The following PTPN18 variants were observed in gnomAD, a reference collection of about 807,000 sequenced individuals.
The protein encoded by PTPN18 is tyrosine-protein phosphatase non-receptor type 18.
In PTPN18, 65 loss-of-function variants were observed where a neutral mutation model predicts 65.4. That is an observed-to-expected ratio of 0.99 (90% confidence interval 0.81 to 1.22). PTPN18 has a LOEUF of 1.22. Among genes scored for constraint, PTPN18 ranks in the 50% most tolerant of loss-of-function variants. The pLI, the probability that PTPN18 is intolerant of heterozygous loss-of-function variation, is 0.00. For synonymous variants in PTPN18, 255 were observed against 267.8 expected (o/e 0.95, Z 0.47); for missense variants, 616 against 646.5 (o/e 0.95, Z 0.51).
At position 130,358,973 on chromosome 2, in the gene PTPN18, C is replaced by T. The variant is rs1265843061; in HGVS notation, c.200C>T (p.Pro67Leu). 6.2e-7 allele frequency: 1 copy of T among 1,613,758 alleles called. No homozygotes were observed. The highest frequency in any genetic ancestry group is 8.5e-7 in the Non-Finnish European group (1 of 1,179,684). The change falls in exon 2 of 15, where the codon CCT becomes CTT. Residue 67 changes from proline (P) to leucine (L), a missense_variant and splice_region_variant. Coordinates refer to ENST00000175756, the MANE Select transcript of PTPN18 (RefSeq NM_014369.4). ...AAGAACCGCTACAAAGACGTGCTGC[C>T]TTGTAAGTCGGGGCTTCCGTAGGGA... The part of the protein sequence containing the change: ...VRKNRYKDVL[P>L]YDQTRVILSL...
At chr2:130,368,821 T>C (rs1042090510) in intron 5 of PTPN18, 1 of 217,356 alleles carries the variant, frequency 4.6e-6, no homozygotes. Context: ...GTCTGTTCAG[T>C]GACCACAGTA....
intron 5 of PTPN18, among the ~76,000 whole-genome samples, chr2:130,365,782 A>G (rs1011287076): frequency 1.3e-5 from 2 of 152,228 alleles, no homozygotes; most frequent in Non-Finnish European, 2.9e-5. Flanking sequence ...ACTCTTTTGC[A>G]TGTGACTATC....
rs769169356 is a variant in PTPN18 at position 130,373,345 on chromosome 2, G to T, written c.*121G>T. On this transcript the variant is annotated 3_prime_UTR_variant, in exon 15 of 15. Transcript: ENST00000175756. The surrounding 1 kb of genome is among the most constrained non-coding windows in gnomAD (Gnocchi z 4.1). ...CTGGATCAAAGTTAAAGTTTCTCAGGGTGGGAAATGTGGGGGCTTTGCCCC... is the reference window on the plus strand; with the variant it reads ...CTGGATCAAAGTTAAAGTTTCTCAGTGTGGGAAATGTGGGGGCTTTGCCCC... 20 of 1,079,424 alleles carry T rather than the reference G, an allele frequency of 1.9e-5. No individual in the cohort carries two copies. The highest frequency in any genetic ancestry group is 2.6e-5 in the Non-Finnish European group (20 of 774,280). 66.9% of individuals were successfully genotyped at this position (1,079,424 alleles called of 1,614,324 possible).
At chr2:130,358,266 T>C (rs568859292) in intron 1 of PTPN18, among the ~76,000 whole-genome samples, 39 of 152,340 alleles carry the variant, frequency 2.6e-4, no homozygotes, top group African/African-American at 8.9e-4. Flanking sequence ...GTGTTACTTA[T>C]TATCATTGAG....
In PTPN18 at chr2:130,370,969, A is replaced by G. The variant is rs760114312; in HGVS notation, c.924+5A>G. The G allele has an allele frequency of 6.2e-7, 1 of 1,613,210 alleles. No individual in the cohort carries two copies. The highest frequency in any genetic ancestry group is 1.1e-5 in the South Asian group (1 of 91,052). On this transcript the variant is annotated splice_donor_5th_base_variant and intron_variant, in intron 11 of 14. Transcript: ENST00000175756. ...CACTACCAGAACATCAAAGAGGTAC[A>G]GAGGCTCCTTTCCCACTCTCCTGTC...
chr2:130,367,951 CA>C (rs1558845467), intron 5 of PTPN18, among the ~76,000 whole-genome samples: 1 of 151,962 alleles, frequency 6.6e-6, no homozygotes, highest in African/African-American at 2.4e-5. Context: ...TCATTTTTTT[CA>C]TTTCATTTTG....
chr2:130,374,332 C>G lies in PTPN18; in HGVS notation c.*1108C>G. 4.0e-6 allele frequency: 1 copy of G among 253,082 alleles called. No homozygotes were observed. The highest frequency in any genetic ancestry group is 8.0e-6 in the Non-Finnish European group (1 of 125,346). 15.7% of individuals were successfully genotyped at this position (253,082 alleles called of 1,614,324 possible). ...CTGCCGAGTAGCTGGGACTACAGGTCTAATTTTTTTTTTTTTTAAGAAATG... is the reference window on the plus strand; with the variant it reads ...CTGCCGAGTAGCTGGGACTACAGGTGTAATTTTTTTTTTTTTTAAGAAATG... On this transcript the variant is annotated 3_prime_UTR_variant, in exon 15 of 15. Coordinates refer to ENST00000175756, the MANE Select transcript of PTPN18 (RefSeq NM_014369.4).
chr2:130,358,963 G>C lies in PTPN18; in HGVS notation c.190G>C (p.Asp64His), dbSNP rs1268180844. The C allele has an allele frequency of 1.9e-6, 3 of 1,613,958 alleles. No homozygotes were observed. Among genetic ancestry groups the C allele is most frequent in the Non-Finnish European group, 2.5e-6 (3 of 1,179,930 alleles). Reference protein sequence around the residue: ...PENVRKNRYKDVLPYDQTRVI... With the variant: ...PENVRKNRYKHVLPYDQTRVI... The stretch of plus-strand genomic sequence containing the variant: ...GAACGTGAGGAAGAACCGCTACAAA[G>C]ACGTGCTGCCTTGTAAGTCGGGGCT... The change falls in exon 2 of 15, where the codon GAC becomes CAC. Residue 64 changes from aspartate (D) to histidine (H), a missense_variant. Transcript: ENST00000175756.
Position 130,372,490 on chromosome 2 carries a change from C to T in PTPN18, c.1240+7C>T. 7.2e-7 allele frequency: 1 copy of T among 1,383,844 alleles called. No homozygotes were observed. The highest frequency in any genetic ancestry group is 9.3e-7 in the Non-Finnish European group (1 of 1,076,696). 85.7% of individuals were successfully genotyped at this position (1,383,844 alleles called of 1,614,324 possible). A position where few individuals can be genotyped will look rare whatever the true frequency, so the allele number is the denominator to read the frequency against. ...GGGACGCTGCCTGGCCGCGGTGAGTCGAGGCTTGCTCCTTCTCAGGGCATC... is the reference window on the plus strand; with the variant it reads ...GGGACGCTGCCTGGCCGCGGTGAGTTGAGGCTTGCTCCTTCTCAGGGCATC... On this transcript the variant is annotated splice_region_variant and intron_variant, in intron 13 of 14. Coordinates refer to ENST00000175756, the MANE Select transcript of PTPN18 (RefSeq NM_014369.4).
In PTPN18 at chr2:130,370,884, A is replaced by C; in HGVS notation, c.844A>C (p.Arg282=). ...TCCCTCACCCCAACAGGAGCAGTAC[A>C]GGTTCCTGTACCACACGGTGGCTCA... ...PAAVQTEEQY[R]FLYHTVAQMF... Residue 282 remains arginine (R), a synonymous_variant, in exon 11 of 15, where the codon AGG becomes CGG. Transcript: ENST00000175756. 6.2e-7 allele frequency: 1 copy of C among 1,614,060 alleles called. No homozygotes were observed. Among genetic ancestry groups the C allele is most frequent in the Non-Finnish European group, 8.5e-7 (1 of 1,179,976 alleles).
At position 130,358,873 on chromosome 2, in the gene PTPN18, C is replaced by G; in HGVS notation, c.100C>G (p.Gln34Glu). Residue 34 changes from glutamine (Q) to glutamate (E), a missense_variant, in exon 2 of 15, where the codon CAG (glutamine) becomes GAG (glutamate). Gln to Glu is a conservative substitution (Grantham distance 29). Around this residue, in one of 3 missense-constraint regions of PTPN18, gnomAD observed 223 missense variants for 210.0 expected, o/e 1.06. Transcript: ENST00000175756. ...AVLAGEFSDI[Q>E]ACSAAWKADG... Reference sequence around the variant, plus strand: ...ACTCATAATGCTCTACCAGGACATCCAGGCCTGCTCGGCCGCCTGGAAGGC... The same window carrying G: ...ACTCATAATGCTCTACCAGGACATCGAGGCCTGCTCGGCCGCCTGGAAGGC... The G allele has an allele frequency of 6.2e-7, 1 of 1,612,716 alleles. No homozygotes were observed. Among genetic ancestry groups the G allele is most frequent in the Non-Finnish European group, 8.5e-7 (1 of 1,178,988 alleles).
Position 130,372,435 on chromosome 2 carries a change from C to T in PTPN18, c.1192C>T (p.Arg398Ter). ...LYSKVTPRAQ[R>*]PGAHAEDARG... ...CAGCAAGGTGACGCCGCGCGCCCAG[C>T]GACCCGGGGCGCACGCGGAGGACGC... Residue 398 changes from arginine (R) to a stop codon, truncating the protein, a stop_gained, in exon 13 of 15, where the codon CGA becomes TGA. Transcript: ENST00000175756. LOFTEE classifies it high-confidence loss of function. 1.5e-6 allele frequency: 2 copies of T among 1,366,308 alleles called. No individual in the cohort carries two copies. Among genetic ancestry groups the T allele is most frequent in the South Asian group, 1.7e-5 (1 of 58,144 alleles). 84.6% of individuals were successfully genotyped at this position (1,366,308 alleles called of 1,614,324 possible). A position where few individuals can be genotyped will look rare whatever the true frequency, so the allele number is the denominator to read the frequency against.
At chr2:130,360,541 G>T (rs953359284) in intron 5 of PTPN18, among the ~76,000 whole-genome samples, 1 of 151,776 alleles carries the variant, frequency 6.6e-6, no homozygotes, top group African/African-American at 2.4e-5. Flanking sequence ...TCTCTATTTC[G>T]CTATCTCTTT....
intron 5 of PTPN18, among the ~76,000 whole-genome samples, chr2:130,365,791 T>A (rs1680363466): frequency 6.6e-6 from 1 of 152,246 alleles, no homozygotes. Flanking sequence ...CATGTGACTA[T>A]CCAGTTGTTC....
intron 12 of PTPN18, 78 bp downstream of exon 12, chr2:130,371,365 C>A: frequency 7.9e-7 from 1 of 1,268,122 alleles, no homozygotes; most frequent in Non-Finnish European, 1.1e-6. Context: ...AACACCAGTC[C>A]GTTCCTTGTT....
At chr2:130,357,037 A>G (rs1679996895) in intron 1 of PTPN18, among the ~76,000 whole-genome samples, 1 of 152,178 alleles carries the variant, frequency 6.6e-6, no homozygotes, top group Admixed American at 6.5e-5. Context: ...CTAAAAATAC[A>G]AAAATCAACT....
intron 5 of PTPN18, among the ~76,000 whole-genome samples, chr2:130,362,783 G>A (rs974273423): frequency 3.9e-5 from 6 of 151,926 alleles, no homozygotes; most frequent in Non-Finnish European, 8.8e-5. Flanking sequence ...ATATTCCTGA[G>A]CTATGCAACT....
chr2:130,365,567 CACAA>C (rs1680354356), intron 5 of PTPN18, among the ~76,000 whole-genome samples: 1 of 152,216 alleles, frequency 6.6e-6, no homozygotes, highest in Admixed American at 6.5e-5. Context: ...TGTTTTGAAG[CACAA>C]ACATTTTGTG....
intron 5 of PTPN18, 187 bp from the exon 6 acceptor site, chr2:130,368,946 C>T (rs530432119): frequency 7.2e-6 from 4 of 558,762 alleles, no homozygotes; most frequent in African/African-American, 3.8e-5. Context: ...TGGTCAGCAG[C>T]GCACCTCCAT....
Sources: allele counts gnomAD v4.1 joint callset (sites outside exome capture counted in the v4.1 genomes callset), GRCh38; gene constraint gnomAD v4.1.1; regional missense constraint gnomAD v4.1.1; non-coding constraint Gnocchi (gnomAD v3.1); transcripts MANE v1.5; gene names NCBI Gene and HGNC (gene_info 2026-07-23, HGNC 2026-07-21).